Variants in MAP4 observed in about 807,000 individuals in gnomAD.
MAP4 encodes microtubule-associated protein 4.
In MAP4, 76 loss-of-function variants were observed where a neutral mutation model predicts 170.2. The ratio of observed to expected loss-of-function variants is 0.45; its 90% CI spans 0.37 to 0.54. MAP4 has a LOEUF of 0.54. Ranked by LOEUF, MAP4 falls within the 20% of genes least tolerant of loss-of-function variation. The probability of loss-of-function intolerance (pLI) is 0.00; values close to 1 mark genes in which losing one functional copy is unlikely to be tolerated. For missense variants in MAP4, 2,506 were observed against 2,748.0 expected (o/e 0.91, Z 1.97); for synonymous variants, 909 against 994.5 (o/e 0.91, Z 1.62).
Position 48,038,689 on chromosome 3 carries a change from T to C in MAP4, c.-19-39810A>G, listed in dbSNP as rs574125699. On this transcript the variant is annotated intron_variant, in intron 1 of 18. Transcript: ENST00000360240. ...GTTAGCCAGGATGGTCTTGAGCTCCTGACCTCGTGATCCGCCCGCCTCGGC... is the reference window on the plus strand; with the variant it reads ...GTTAGCCAGGATGGTCTTGAGCTCCCGACCTCGTGATCCGCCCGCCTCGGC... 6.8e-4 allele frequency among the ~76,000 whole-genome samples: 104 copies of C among 152,294 alleles called. 1 individual carries two copies. Among genetic ancestry groups the C allele is most frequent in the Non-Finnish European group, 4.6e-4 (31 of 68,020 alleles).
At chr3:47,971,108 A>G (rs2100078468) in intron 3 of MAP4, among the ~76,000 whole-genome samples, 2 of 152,224 alleles carry the variant, frequency 1.3e-5, no homozygotes, top group Non-Finnish European at 2.9e-5. Context: ...AAACTTTAAG[A>G]AACATTACGT....
intron 10 of MAP4, among the ~76,000 whole-genome samples, chr3:47,901,938 T>C (rs1457465027): frequency 2.6e-5 from 4 of 151,832 alleles, no homozygotes; most frequent in South Asian, 2.1e-4. Flanking sequence ...GGAGGAAGGA[T>C]TGCTTGAGGC....
At chr3:48,046,366 T>C (rs2100124582) in intron 1 of MAP4, among the ~76,000 whole-genome samples, 1 of 152,236 alleles carries the variant, frequency 6.6e-6, no homozygotes, top group Non-Finnish European at 1.5e-5. Context: ...TCACAGTTAA[T>C]ATGCTGTGTA....
intron 1 of MAP4, among the ~76,000 whole-genome samples, chr3:48,003,113 A>T (rs1486137837): frequency 2.0e-5 from 3 of 152,056 alleles, no homozygotes; most frequent in Non-Finnish European, 4.4e-5. Flanking sequence ...GCACTGAGAG[A>T]GTTTAATAAT....
At chr3:48,032,050 A>G (rs1241696534) in intron 1 of MAP4, among the ~76,000 whole-genome samples, 1 of 152,144 alleles carries the variant, frequency 6.6e-6, no homozygotes, top group Non-Finnish European at 1.5e-5. Flanking sequence ...ACAACTCCCA[A>G]CTGAAGGACA....
chr3:47,875,367 G>A (rs2094979284), intron 12 of MAP4, among the ~76,000 whole-genome samples: 1 of 152,204 alleles, frequency 6.6e-6, no homozygotes, highest in South Asian at 2.1e-4. Flanking sequence ...TAAGTAGATA[G>A]AGTATTACCT....
chr3:48,060,437 G>A (rs1415939747), intron 1 of MAP4, among the ~76,000 whole-genome samples: 1 of 152,076 alleles, frequency 6.6e-6, no homozygotes, highest in Non-Finnish European at 1.5e-5. Context: ...GGTGACCTAG[G>A]GTTTGGCAAT....
At chr3:47,963,683 C>G (rs2100073039) in intron 3 of MAP4, among the ~76,000 whole-genome samples, 1 of 152,176 alleles carries the variant, frequency 6.6e-6, no homozygotes, top group African/African-American at 2.4e-5. Flanking sequence ...ATCCACCAGA[C>G]AGTGTTCTAG....
rs1322791944 is a variant in MAP4 at position 48,087,716 on chromosome 3, T to C, written c.-20+1057A>G. 4.5e-3 allele frequency among the ~76,000 whole-genome samples: 543 copies of C among 119,436 alleles called. 1 individual carries two copies. The highest frequency in any genetic ancestry group is 6.5e-3 in the Non-Finnish European group (359 of 54,906). 78.4% of individuals were successfully genotyped at this position (119,436 alleles called of 152,430 possible). On this transcript the variant is annotated intron_variant, in intron 1 of 18. Transcript: ENST00000360240. The stretch of plus-strand genomic sequence containing the variant: ...AGACGCGCGCGCGCGCACACACACA[T>C]ACACACGCACGCGCACACACACGCA...
At chr3:47,917,617 A>G (rs1234673021) in intron 6 of MAP4, among the ~76,000 whole-genome samples, 1 of 151,864 alleles carries the variant, frequency 6.6e-6, no homozygotes, top group African/African-American at 2.4e-5. Context: ...AGAAGAAGCT[A>G]ATGTCAAGTA....
At position 47,985,315 on chromosome 3, in the gene MAP4, G is replaced by A. The variant is rs187608058; in HGVS notation, c.224-7382C>T. Among the ~76,000 whole-genome samples the A allele has an allele frequency of 2.0e-5, 3 of 152,196 alleles. No homozygotes were observed. The East Asian group carries it at 5.8e-4, about 29-fold the overall frequency. On this transcript the variant is annotated intron_variant, in intron 2 of 20. Transcript: ENST00000683076. ...TAACCAGGCATGGTGGTGCATGCCT[G>A]CAGTCCCAGCTACTTGGGAGGCTGA...
intron 1 of MAP4, among the ~76,000 whole-genome samples, chr3:48,076,684 GAAGA>G (rs1355663537): frequency 1.3e-5 from 2 of 151,728 alleles, no homozygotes; most frequent in Non-Finnish European, 2.9e-5. Context: ...GTCTCGGAAA[GAAGA>G]AAGAACGAAC....
chr3:47,897,941 C>CA (rs2100027849), intron 10 of MAP4, among the ~76,000 whole-genome samples: 1 of 119,332 alleles, frequency 8.4e-6, no homozygotes, highest in African/African-American at 4.5e-5. Context: ...GACTCCATAT[C>CA]GGGGGGGGGA....
rs545303680 is a variant in MAP4, at chr3:47,951,403, G to C, written c.293-23053C>G. ...CACGGTCTCCCTCTGATGCCGAGCC[G>C]AAGCTGGGCTGTACTGCTGCCATCT... On this transcript the variant is annotated intron_variant, in intron 3 of 20. Transcript: ENST00000683076. Among the ~76,000 whole-genome samples the C allele has an allele frequency of 6.6e-5, 10 of 152,150 alleles. No homozygotes were observed. In the East Asian group the frequency reaches 1.9e-3, roughly 29 times the overall value.
rs540575005 is a variant in MAP4, at chr3:48,062,360, C to G, written c.-20+26413G>C. ...CAAGTACCCAGGGACACAAACACTG[C>G]GGAAGGCCGCAGGGTCCTCTGCCTA... On this transcript the variant is annotated intron_variant, in intron 1 of 18. Transcript: ENST00000360240. 4.3e-3 allele frequency among the ~76,000 whole-genome samples: 647 copies of G among 151,612 alleles called. 1 individual carries two copies. Among genetic ancestry groups the G allele is most frequent in the Non-Finnish European group, 6.7e-3 (452 of 67,830 alleles).
At chr3:47,982,776 G>T (rs2100086133) in intron 2 of MAP4, among the ~76,000 whole-genome samples, 1 of 150,792 alleles carries the variant, frequency 6.6e-6, no homozygotes, top group Admixed American at 6.6e-5. Flanking sequence ...TTGTAAAATG[G>T]AATCAAATGA....
chr3:47,944,185 C>T (rs963425603), intron 3 of MAP4, among the ~76,000 whole-genome samples: 2 of 151,970 alleles, frequency 1.3e-5, no homozygotes, highest in African/African-American at 2.4e-5. Flanking sequence ...TGGCACACGC[C>T]TGTAATCCCA....
intron 10 of MAP4, among the ~76,000 whole-genome samples, chr3:47,897,279 A>G (rs949139811): frequency 2.0e-5 from 3 of 151,892 alleles, no homozygotes; most frequent in Admixed American, 1.3e-4. Flanking sequence ...GGCCCACACC[A>G]CCACACCTGA....
At chr3:47,884,233 C>T (rs1274481509) in intron 10 of MAP4, among the ~76,000 whole-genome samples, 9 of 152,294 alleles carry the variant, frequency 5.9e-5, no homozygotes, top group Non-Finnish European at 4.4e-5. Flanking sequence ...CTGTCCTCAA[C>T]GTCACTGATT....
Sources: allele counts gnomAD v4.1 joint callset (sites outside exome capture counted in the v4.1 genomes callset), GRCh38; gene constraint gnomAD v4.1.1; transcripts MANE v1.5; gene names NCBI Gene and HGNC (gene_info 2026-07-23, HGNC 2026-07-21).